The following PACS1 variants were observed in gnomAD, a reference collection of about 807,000 sequenced individuals.
PACS1 encodes PACS-1.
Under a neutral mutation model 115.0 loss-of-function variants are expected in PACS1, and 24 were observed. That is an observed-to-expected ratio of 0.21 (90% CI 0.15 to 0.29). The LOEUF is 0.29. Ranked by LOEUF, PACS1 falls within the 10% of genes least tolerant of loss-of-function variation. The pLI, the probability that PACS1 is intolerant of heterozygous loss-of-function variation, is 1.00. For synonymous variants in PACS1, 453 were observed against 504.5 expected (o/e 0.90, Z 1.37); for missense variants, 838 against 1,251.2 (o/e 0.67, Z 4.98).
intron 1 of PACS1, among the ~76,000 whole-genome samples, chr11:66,121,790 G>GGAGAAAA (rs1341610033): frequency 6.6e-6 from 1 of 152,164 alleles, no homozygotes; most frequent in Non-Finnish European, 1.5e-5. Context: ...GGAAGCTGCA[G>GGAGAAAA]GAGAAAAGTT....
chr11:66,073,327 G>C (rs1857342879), intron 1 of PACS1, among the ~76,000 whole-genome samples: 1 of 152,220 alleles, frequency 6.6e-6, no homozygotes, highest in Non-Finnish European at 1.5e-5. Flanking sequence ...GCAGCACTCT[G>C]TGGAGGGATT....
intron 1 of PACS1, among the ~76,000 whole-genome samples, chr11:66,151,296 CTG>C (rs1282435955): frequency 6.6e-6 from 1 of 151,800 alleles, no homozygotes; most frequent in Non-Finnish European, 1.5e-5. Flanking sequence ...TATCCCTAAA[CTG>C]TGAGCAGCGA....
intron 1 of PACS1, among the ~76,000 whole-genome samples, chr11:66,110,549 T>C (rs1858164094): frequency 6.6e-6 from 1 of 152,116 alleles, no homozygotes. Flanking sequence ...ATAGAAATGA[T>C]CCTTCTCTTT....
At chr11:66,238,629 G>C in intron 19 of PACS1, 175 bp from the exon 20 acceptor site, 1 of 631,642 alleles carries the variant, frequency 1.6e-6, no homozygotes, top group Non-Finnish European at 2.8e-6. Flanking sequence ...GCCTCCCAAA[G>C]TGCTGGGATT....
chr11:66,233,768 C>T lies in PACS1; in HGVS notation c.1839-17C>T. On this transcript the variant is annotated splice_polypyrimidine_tract_variant and intron_variant, in intron 15 of 23. Transcript: ENST00000320580. The surrounding 1 kb of genome is among the most constrained non-coding windows in gnomAD (Gnocchi z 4.5). ...GGCACCCCTGAGCACTGCTATGACG[C>T]TCCCCTTCCTCCCCAGCTGCAACTG... 2 of 1,610,876 alleles carry T rather than the reference C, an allele frequency of 1.2e-6. No homozygotes were observed. The highest frequency in any genetic ancestry group is 1.7e-6 in the Non-Finnish European group (2 of 1,178,334).
intron 22 of PACS1, among the ~76,000 whole-genome samples, chr11:66,242,190 A>G (rs1323719588): frequency 1.3e-5 from 2 of 152,210 alleles, no homozygotes; most frequent in Non-Finnish European, 2.9e-5. Context: ...GGAGTGAGGC[A>G]GGAACCCCCA....
In PACS1 at chr11:66,073,365, G is replaced by A. The variant is rs76234805; in HGVS notation, c.356+2523G>A. Among the ~76,000 whole-genome samples, 417 of 152,210 alleles carry A rather than the reference G, an allele frequency of 2.7e-3. 3 individuals carry two copies. Among genetic ancestry groups the A allele is most frequent in the African/African-American group, 9.4e-3 (389 of 41,528 alleles). ...CATTCTTGTCTCATGTAACTCAAAC[G>A]GGACACAAATATATGAGATACATGC... is the stretch of plus-strand genomic sequence containing the variant. On this transcript the variant is annotated intron_variant, in intron 1 of 23. Transcript: ENST00000320580.
At chr11:66,186,164 A>G (rs1369080128) in intron 1 of PACS1, among the ~76,000 whole-genome samples, 1 of 151,800 alleles carries the variant, frequency 6.6e-6, no homozygotes, top group African/African-American at 2.4e-5. Flanking sequence ...AGTCTCAGCT[A>G]CTTAGGAGGT....
At chr11:66,139,126 A>C (rs1027811437) in intron 1 of PACS1, among the ~76,000 whole-genome samples, 2 of 152,148 alleles carry the variant, frequency 1.3e-5, no homozygotes, top group African/African-American at 4.8e-5. Context: ...ACATCATGCT[A>C]CTGTTTACCT....
intron 1 of PACS1, among the ~76,000 whole-genome samples, chr11:66,169,613 C>A (rs1859690325): frequency 8.5e-6 from 1 of 117,608 alleles, no homozygotes; most frequent in Non-Finnish European, 1.7e-5. Flanking sequence ...GGGTTTCATT[C>A]ACCATGTTGG....
intron 1 of PACS1, among the ~76,000 whole-genome samples, chr11:66,168,443 G>A (rs75232660): frequency 0.022 from 3,320 of 150,274 alleles, 426 homozygotes; most frequent in African/African-American, 0.08. Flanking sequence ...TAGAGACAGC[G>A]TAGAGTAGTG....
At chr11:66,204,549 C>G (rs1057052928) in intron 2 of PACS1, among the ~76,000 whole-genome samples, 7 of 152,066 alleles carry the variant, frequency 4.6e-5, no homozygotes, top group African/African-American at 1.7e-4. Context: ...TTGGAAGCAC[C>G]TAAGTGTCCA....
At chr11:66,225,807 G>A (rs910858620) in intron 10 of PACS1, among the ~76,000 whole-genome samples, 8 of 152,132 alleles carry the variant, frequency 5.3e-5, no homozygotes, top group Non-Finnish European at 1.0e-4. Flanking sequence ...TATTGAGATC[G>A]AAAATGGAGT....
At chr11:66,189,071 C>T (rs505642) in intron 1 of PACS1, among the ~76,000 whole-genome samples, 2,115 of 152,210 alleles carry the variant, frequency 0.014, 40 homozygotes, top group African/African-American at 0.048. Flanking sequence ...CACCTCTTAG[C>T]ATTACTGTGA....
chr11:66,104,805 C>G (rs1350564465), intron 1 of PACS1, among the ~76,000 whole-genome samples: 1 of 152,088 alleles, frequency 6.6e-6, no homozygotes, highest in East Asian at 1.9e-4. Flanking sequence ...AATCTTTCTG[C>G]CTCTGTTTAT....
intron 1 of PACS1, among the ~76,000 whole-genome samples, chr11:66,124,365 A>G (rs1399447854): frequency 6.6e-6 from 1 of 152,220 alleles, no homozygotes. Context: ...TCTCTGCTTC[A>G]GTGTCTTCAT....
chr11:66,173,633 C>T (rs1859789348), intron 1 of PACS1, among the ~76,000 whole-genome samples: 1 of 151,934 alleles, frequency 6.6e-6, no homozygotes, highest in Non-Finnish European at 1.5e-5. Context: ...TCGCTTGAAC[C>T]CGGGAGGCAG....
rs1554990621 is a variant in PACS1, at chr11:66,215,905, T to TAAC, written c.661-212_661-211insCAA. Among the ~76,000 whole-genome samples, 36 of 15,416 alleles carry TAAC rather than the reference T, an allele frequency of 2.3e-3. 1 individual carries two copies. In the South Asian group the frequency reaches 0.078, roughly 33 times the overall value. 10.1% of individuals were successfully genotyped at this position (15,416 alleles called of 152,430 possible). A position where few individuals can be genotyped will look rare whatever the true frequency, so the allele number is the denominator to read the frequency against. ...ACAGTGAGAGACTCCGTCTCAAAAA[T>TAAC]AATAATAATAATAATAATAATAATA... On this transcript the variant is annotated intron_variant, in intron 4 of 23. Transcript: ENST00000320580.
chr11:66,083,061 A>G (rs1857515128), intron 1 of PACS1, among the ~76,000 whole-genome samples: 1 of 152,192 alleles, frequency 6.6e-6, no homozygotes, highest in African/African-American at 2.4e-5. Context: ...GGGCAGTGTA[A>G]TATGCCTTAA....
Sources: gnomAD v4.1 joint callset for allele counts (sites outside exome capture counted in the v4.1 genomes callset) on GRCh38, gnomAD v4.1.1 for gene constraint, Gnocchi (gnomAD v3.1) non-coding constraint, MANE v1.5 for transcripts, NCBI Gene and HGNC (gene_info 2026-07-23, HGNC 2026-07-21) for gene names.